The following GSAP variants were observed in gnomAD, a reference collection of about 807,000 sequenced individuals.
The protein encoded by GSAP is gamma-secretase activating protein.
In GSAP, 118 loss-of-function variants were observed where a neutral mutation model predicts 131.7. The ratio of observed to expected loss-of-function variants is 0.90; its 90% CI spans 0.77 to 1.04. The LOEUF is 1.04. Among genes scored for constraint, GSAP ranks in the 50% least tolerant of loss-of-function variants. GSAP has a pLI of 0.00. For missense variants in GSAP, 1,019 were observed against 1,013.2 expected (o/e 1.01, Z -0.08); for synonymous variants, 381 against 363.4 (o/e 1.05, Z -0.55).
In GSAP at chr7:77,311,856, C is replaced by G. The variant is rs1554367214; in HGVS notation, c.2458G>C (p.Glu820Gln). 7 of 1,533,796 alleles carry G rather than the reference C, an allele frequency of 4.6e-6. No homozygotes were observed. The Admixed American group carries it at 1.2e-4, about 26-fold the overall frequency. Residue 820 changes from glutamate to glutamine, a missense_variant, in exon 30 of 31, where the codon GAG (glutamate) becomes CAG (glutamine). Glu to Gln is a conservative substitution (Grantham distance 29, BLOSUM62 2). Transcript: ENST00000257626. ...NYFIEILTDI[E>Q]SSNQALYPFE... ...AGTAAATTACCTTGATTGGAGGACT[C>G]TATATCTGTCAGAATTTCAATGAAG...
At chr7:77,341,952 T>G (rs183749660) in intron 19 of GSAP, among the ~76,000 whole-genome samples, 79 of 152,114 alleles carry the variant, frequency 5.2e-4, no homozygotes, top group African/African-American at 1.5e-3. Context: ...CAGGACCTCC[T>G]CCCCCAGGAT....
At chr7:77,363,799 A>T (rs1251528186) in intron 12 of GSAP, among the ~76,000 whole-genome samples, 1 of 152,236 alleles carries the variant, frequency 6.6e-6, no homozygotes, top group Admixed American at 6.5e-5. Flanking sequence ...ATTCTATTAG[A>T]TGTAAAATGA....
chr7:77,344,594 A>C (rs2096437150), intron 19 of GSAP, among the ~76,000 whole-genome samples: 1 of 150,460 alleles, frequency 6.6e-6, no homozygotes, highest in African/African-American at 2.5e-5. Context: ...CTCTTGTTAC[A>C]CTGCTGGTTT....
intron 5 of GSAP, among the ~76,000 whole-genome samples, chr7:77,395,238 A>T (rs1358071249): frequency 6.6e-6 from 1 of 152,206 alleles, no homozygotes; most frequent in Non-Finnish European, 1.5e-5. Flanking sequence ...AAGGCTAAAA[A>T]AATAAGGCTC....
At chr7:77,348,031 T>C (rs1792175184) in intron 19 of GSAP, among the ~76,000 whole-genome samples, 1 of 150,768 alleles carries the variant, frequency 6.6e-6, no homozygotes, top group Non-Finnish European at 1.5e-5. Context: ...TGGATGGGTA[T>C]GGTGGCTCAT....
intron 19 of GSAP, among the ~76,000 whole-genome samples, chr7:77,337,301 TG>T (rs34134192): frequency 0.35 from 22,901 of 65,490 alleles, 1,503 homozygotes; most frequent in Non-Finnish European, 0.38. Context: ...GGGGGTGGGG[TG>T]GGGGGGGGGT....
chr7:77,408,533 T>C (rs761212378), intron 1 of GSAP, among the ~76,000 whole-genome samples: 1 of 151,688 alleles, frequency 6.6e-6, no homozygotes, highest in Non-Finnish European at 1.5e-5. Flanking sequence ...ACCCAATCTC[T>C]ACTAAAAAAT....
intron 4 of GSAP, 75 bp from the exon 5 acceptor site, chr7:77,397,110 T>A (rs1342802203): frequency 8.5e-6 from 8 of 944,280 alleles, no homozygotes; most frequent in Non-Finnish European, 1.3e-5. Flanking sequence ...AGTTTAAACC[T>A]GAAATAGATG....
chr7:77,319,914 A>C (rs1787397808), intron 26 of GSAP, among the ~76,000 whole-genome samples: 1 of 152,334 alleles, frequency 6.6e-6, no homozygotes, highest in African/African-American at 2.4e-5. Context: ...AATGGGTATA[A>C]AGTTTCAGCT....
At chr7:77,315,753 T>G (rs1267624943) in intron 26 of GSAP, 1 of 152,174 alleles carries the variant, frequency 6.6e-6, no homozygotes, top group East Asian at 1.9e-4. Flanking sequence ...CAGAAAATAG[T>G]AAATGATCCA....
intron 1 of GSAP, among the ~76,000 whole-genome samples, chr7:77,414,844 C>CCTTTTT (rs1803991224): frequency 1.7e-5 from 1 of 59,858 alleles, no homozygotes; most frequent in African/African-American, 7.4e-5. Flanking sequence ...ATGTGGGCGA[C>CCTTTTT]TTTTTTTTTT....
chr7:77,312,745 G>A (rs988527138), intron 28 of GSAP, among the ~76,000 whole-genome samples: 2 of 152,224 alleles, frequency 1.3e-5, no homozygotes, highest in African/African-American at 2.4e-5. Flanking sequence ...AGAGCAGGGC[G>A]ATTAGGTCCA....
chr7:77,397,048 GA>G lies in GSAP; in HGVS notation c.314-14del, dbSNP rs758746496. 7.7e-6 allele frequency: 12 copies of G among 1,566,300 alleles called. No homozygotes were observed. The highest frequency in any genetic ancestry group is 6.8e-5 in the East Asian group (3 of 44,338). On this transcript the variant is annotated splice_polypyrimidine_tract_variant and intron_variant, in intron 4 of 30. Transcript: ENST00000257626. ...ACTAAACTTGCAGCTAATGGAAAAAGAAAAAAAATCCATTAGCAATTGATCC... is the reference window on the plus strand; with the variant it reads ...ACTAAACTTGCAGCTAATGGAAAAAGAAAAAAATCCATTAGCAATTGATCC...
At chr7:77,369,073 A>C (rs1425638472) in intron 12 of GSAP, among the ~76,000 whole-genome samples, 1 of 152,232 alleles carries the variant, frequency 6.6e-6, no homozygotes, top group Non-Finnish European at 1.5e-5. Flanking sequence ...GGCTCTATAA[A>C]GTGCTAAAAC....
chr7:77,387,896 C>A (rs896624759), intron 5 of GSAP, among the ~76,000 whole-genome samples: 1 of 152,144 alleles, frequency 6.6e-6, no homozygotes, highest in African/African-American at 2.4e-5. Flanking sequence ...CTTCTGAATT[C>A]AAAGATCACT....
chr7:77,343,707 T>C (rs555917758), intron 19 of GSAP, among the ~76,000 whole-genome samples: 7 of 152,216 alleles, frequency 4.6e-5, no homozygotes, highest in Non-Finnish European at 8.8e-5. Flanking sequence ...ACTGACTAAC[T>C]TCTACCTATC....
At chr7:77,380,642 G>T (rs1174249005) in intron 8 of GSAP, among the ~76,000 whole-genome samples, 1 of 151,954 alleles carries the variant, frequency 6.6e-6, no homozygotes, top group African/African-American at 2.4e-5. Flanking sequence ...GTAAGAGGTG[G>T]GGGTAGGAGA....
At position 77,314,391 on chromosome 7, in the gene GSAP, C is replaced by T; in HGVS notation, c.2188G>A (p.Ala730Thr). The change falls in exon 27 of 31, where the codon GCT (alanine) becomes ACT (threonine). Residue 730 changes from alanine to threonine, a missense_variant. Ala to Thr is a moderately conservative substitution (Grantham distance 58, BLOSUM62 0). Transcript: ENST00000257626. ...DSGVLLLTETAVIRLMKDLDN... is the reference protein window; with the variant it reads ...DSGVLLLTETTVIRLMKDLDN... ...TTACCTTTCATGAGCCTTATGACAG[C>T]TGTTTCAGTGAGAAGCAACACTCCA... The T allele has an allele frequency of 6.2e-7, 1 of 1,613,726 alleles. No individual in the cohort carries two copies. Among genetic ancestry groups the T allele is most frequent in the Non-Finnish European group, 8.5e-7 (1 of 1,179,786 alleles).
intron 12 of GSAP, among the ~76,000 whole-genome samples, chr7:77,365,123 T>A (rs1795096799): frequency 6.6e-6 from 1 of 151,826 alleles, no homozygotes; most frequent in Non-Finnish European, 1.5e-5. Context: ...GCTAATTATT[T>A]TATTTTTTTT....
Sources: gnomAD v4.1 joint callset for allele counts (sites outside exome capture counted in the v4.1 genomes callset) on GRCh38, gnomAD v4.1.1 for gene constraint, MANE v1.5 for transcripts, NCBI Gene and HGNC (gene_info 2026-07-23, HGNC 2026-07-21) for gene names.